The following CPNE1 variants were observed in gnomAD, a reference collection of about 807,000 sequenced individuals.
The protein encoded by CPNE1 is copine-1.
CPNE1 carries 58 observed loss-of-function variants against 63.2 expected under a neutral mutation model. That is an observed-to-expected ratio of 0.92 (90% CI 0.74 to 1.14). The LOEUF is 1.14. Among genes scored for constraint, CPNE1 ranks in the 50% most tolerant of loss-of-function variants. The pLI is 0.00. For synonymous variants in CPNE1, 237 were observed against 249.0 expected, an observed-to-expected ratio of 0.95 and a Z score of 0.45; for missense variants, 672 against 661.7, an observed-to-expected ratio of 1.02 and a Z score of -0.17.
rs758874748 is a variant in CPNE1, at chr20:35,631,001, G to C, written c.895C>G (p.Pro299Ala). 3 of 1,613,616 alleles carry C rather than the reference G, an allele frequency of 1.9e-6. No individual in the cohort carries two copies. The African/African-American group carries it at 4.0e-5, about 22-fold the overall frequency. Residue 299 changes from proline (P) to alanine (A), a missense_variant, in exon 11 of 16, where the codon CCC becomes GCC. Pro to Ala is a conservative substitution (Grantham distance 27). Transcript: ENST00000397443. ...TAGTGTAGGGAGTCAGGTGAGGAGGGGTCTCCATTGGAGCCAGTGAAGTCC... is the reference window on the plus strand; with the variant it reads ...TAGTGTAGGGAGTCAGGTGAGGAGGCGTCTCCATTGGAGCCAGTGAAGTCC... ...GVDFTGSNGD[P>A]SSPDSLHYLS...
intron 1 of CPNE1, among the ~76,000 whole-genome samples, chr20:35,636,155 T>C (rs2032475965): frequency 6.6e-6 from 1 of 152,220 alleles, no homozygotes; most frequent in African/African-American, 2.4e-5. Flanking sequence ...CTTTTGGCTG[T>C]TGCCCCTAGA....
In CPNE1 at chr20:35,630,447, T is replaced by G. The variant is rs747312184; in HGVS notation, c.1094A>C (p.Tyr365Ser). Residue 365 changes from tyrosine (Y) to serine (S), a missense_variant, in exon 13 of 16, where the codon TAC (tyrosine) becomes TCC (serine). By Grantham distance (144) the Tyr-to-Ser change is moderately radical. Coordinates refer to ENST00000397443, the MANE Select transcript of CPNE1 (RefSeq NM_152925.3). Reference protein sequence around the residue: ...FALNFNPSNPYCAGIQGIVDA... With the variant: ...FALNFNPSNPSCAGIQGIVDA... The stretch of plus-strand genomic sequence containing the variant: ...TGGATGGGGAAACTTACCTGCACAG[T>G]AGGGGTTACTGGGGTTGAAATTCAA... The G allele has an allele frequency of 1.2e-5, 20 of 1,614,082 alleles. No homozygotes were observed. Among genetic ancestry groups the G allele is most frequent in the Middle Eastern group, 3.3e-4 (2 of 6,062 alleles).
At chr20:35,663,732 T>G (rs944651824) in intron 1 of CPNE1, among the ~76,000 whole-genome samples, 10 of 152,130 alleles carry the variant, frequency 6.6e-5, no homozygotes, top group African/African-American at 2.2e-4. Context: ...AAAGCACACG[T>G]TGGAGGCACA....
intron 1 of CPNE1, among the ~76,000 whole-genome samples, chr20:35,647,600 C>T (rs6060535): frequency 0.1 from 15,498 of 151,952 alleles, 827 homozygotes; most frequent in South Asian, 0.15. Flanking sequence ...TCCTTCTGGA[C>T]TCCAGTGATA....
intron 1 of CPNE1, chr20:35,658,797 A>G: frequency 1.5e-5 from 8 of 521,590 alleles, no homozygotes; most frequent in South Asian, 1.4e-4. Context: ...AAACAAGCAA[A>G]CAAAAACACA....
At chr20:35,663,578 T>C (rs1370621913) in intron 1 of CPNE1, among the ~76,000 whole-genome samples, 1 of 152,204 alleles carries the variant, frequency 6.6e-6, no homozygotes, top group Non-Finnish European at 1.5e-5. Flanking sequence ...AGGTTATCTC[T>C]GAGAATCCTG....
At chr20:35,626,477 GA>G in intron 15 of CPNE1, 89 bp downstream of exon 15, 2 of 1,590,470 alleles carry the variant, frequency 1.3e-6, no homozygotes, top group Non-Finnish European at 1.7e-6. Context: ...AGGCTTAGAG[GA>G]AAAGGTGAGC....
At position 35,646,572 on chromosome 20, in the gene CPNE1, C is replaced by T. The variant is rs552919773; in HGVS notation, c.1-13649G>A. Among the ~76,000 whole-genome samples the T allele has an allele frequency of 2.6e-5, 4 of 152,112 alleles. No homozygotes were observed. In the South Asian group the frequency reaches 8.3e-4, roughly 32 times the overall value. ...AAGCTATGAATGAACTACTCCCACC[C>T]ATTAGGAGGCTGAGGCTAGAGACAG... On this transcript the variant is annotated intron_variant, in intron 1 of 15. Coordinates refer to ENST00000397443, the MANE Select transcript of CPNE1 (RefSeq NM_152925.3).
At chr20:35,657,457 A>G (rs11696527) in intron 1 of CPNE1, among the ~76,000 whole-genome samples, 15,283 of 152,176 alleles carry the variant, frequency 0.1, 802 homozygotes, top group South Asian at 0.15. Context: ...CAGGTACTCA[A>G]AACAACTTGA....
intron 1 of CPNE1, among the ~76,000 whole-genome samples, chr20:35,636,470 C>A: frequency 6.6e-6 from 1 of 152,160 alleles, no homozygotes; most frequent in Non-Finnish European, 1.5e-5. Flanking sequence ...GGCTAAAAAA[C>A]AAGCCAGAAC....
At chr20:35,627,536 T>G in intron 13 of CPNE1, 123 bp from the exon 14 acceptor site, 4 of 959,278 alleles carry the variant, frequency 4.2e-6, no homozygotes, top group Non-Finnish European at 6.0e-6. Flanking sequence ...CATTCACCCT[T>G]GTAAACCAGG....
intron 15 of CPNE1, 42 bp downstream of exon 15, chr20:35,626,524 AG>A: frequency 9.4e-6 from 15 of 1,600,066 alleles, no homozygotes; most frequent in Non-Finnish European, 1.3e-5. Context: ...CATCAGGGAA[AG>A]GTGAAAGGGT....
intron 1 of CPNE1, chr20:35,653,264 G>A: frequency 6.2e-7 from 1 of 1,613,254 alleles, no homozygotes; most frequent in Non-Finnish European, 8.5e-7. Context: ...GCACCAGGCA[G>A]TCCTGCACTG....
chr20:35,651,785 T>TA (rs1302658932), intron 1 of CPNE1: 1 of 152,674 alleles, frequency 6.5e-6, no homozygotes, highest in Non-Finnish European at 1.5e-5. Flanking sequence ...AAGGACTCCA[T>TA]AGTTTATTTT....
At chr20:35,652,786 A>AAGCCAGGGGGACCACCAATATGGATTG in intron 1 of CPNE1, 1 of 1,610,572 alleles carries the variant, frequency 6.2e-7, no homozygotes, top group Non-Finnish European at 8.5e-7. Flanking sequence ...ACTAGATGCA[A>AAGCCAGGGGGACCACCAATATGGATTG]AGCCAGGGGG....
chr20:35,644,960 G>A (rs991091722), intron 1 of CPNE1, among the ~76,000 whole-genome samples: 2 of 152,086 alleles, frequency 1.3e-5, no homozygotes, highest in African/African-American at 4.8e-5. Flanking sequence ...ATTTTCAAAG[G>A]ACATCTATAG....
intron 1 of CPNE1, chr20:35,653,945 T>C: frequency 1.2e-6 from 2 of 1,614,180 alleles, no homozygotes; most frequent in Non-Finnish European, 1.7e-6. Context: ...GCTATATAAA[T>C]ACTATCTTCC....
chr20:35,630,987 G>C lies in CPNE1; in HGVS notation c.909C>G (p.Asp303Glu). The C allele has an allele frequency of 1.9e-6, 3 of 1,613,856 alleles. No individual in the cohort carries two copies. The highest frequency in any genetic ancestry group is 2.5e-6 in the Non-Finnish European group (3 of 1,179,928). The change falls in exon 11 of 16, where the codon GAC becomes GAG. Residue 303 changes from aspartate to glutamate, a missense_variant. Asp to Glu is a conservative substitution (Grantham distance 45). Transcript: ENST00000397443. ...TGSNGDPSSP[D>E]SLHYLSPTGV... is the part of the protein sequence containing the mutation. ...CTGTTGGACTCAGGTAGTGTAGGGA[G>C]TCAGGTGAGGAGGGGTCTCCATTGG...
intron 12 of CPNE1, 113 bp from the exon 13 acceptor site, chr20:35,630,603 C>A: frequency 6.9e-7 from 1 of 1,444,316 alleles, no homozygotes; most frequent in South Asian, 1.1e-5. Flanking sequence ...TGAGCACTTG[C>A]TGTCTACGTG....
Sources: allele counts gnomAD v4.1 joint callset (sites outside exome capture counted in the v4.1 genomes callset), GRCh38; gene constraint gnomAD v4.1.1; transcripts MANE v1.5; gene names NCBI Gene and HGNC (gene_info 2026-07-23, HGNC 2026-07-21).